The following HTR1F variants were observed in gnomAD, a reference collection of about 807,000 sequenced individuals.
HTR1F encodes the protein 5-hydroxytryptamine receptor 1F.
Under a neutral mutation model 24.0 loss-of-function variants are expected in HTR1F, and 17 were observed. The ratio of observed to expected loss-of-function variants is 0.71; its 90% CI spans 0.48 to 1.06. HTR1F has a LOEUF of 1.06. HTR1F is among the 50% of genes least tolerant of loss of function. The pLI is 0.00. For synonymous variants in HTR1F, 186 were observed against 156.8 expected (o/e 1.19, Z -1.39); for missense variants, 391 against 427.8 (o/e 0.91, Z 0.76).
At chr3:87,809,515 C>A (rs1298429855) in intron 1 of HTR1F, among the ~76,000 whole-genome samples, 7 of 151,902 alleles carry the variant, frequency 4.6e-5, no homozygotes, top group Non-Finnish European at 1.0e-4. Flanking sequence ...CTAAGCTTTT[C>A]TTTTTTGATT....
intron 2 of HTR1F, among the ~76,000 whole-genome samples, chr3:87,956,620 T>C (rs1576086930): frequency 6.6e-6 from 1 of 151,356 alleles, no homozygotes; most frequent in South Asian, 2.1e-4. Flanking sequence ...TCTTTAAATA[T>C]ATGCCTTCCA....
chr3:87,978,477 T>TCAGTA (rs1705448487), intron 2 of HTR1F, among the ~76,000 whole-genome samples: 2 of 152,186 alleles, frequency 1.3e-5, no homozygotes, highest in East Asian at 3.9e-4. Flanking sequence ...AGTACAGCTC[T>TCAGTA]CAGTACAGTA....
chr3:87,985,083 A>G (rs1239993228), intron 2 of HTR1F, among the ~76,000 whole-genome samples: 1 of 152,202 alleles, frequency 6.6e-6, no homozygotes, highest in Non-Finnish European at 1.5e-5. Context: ...CTCCTGTAAT[A>G]CCAGCACTTT....
intron 2 of HTR1F, among the ~76,000 whole-genome samples, chr3:87,867,814 G>T (rs1223979492): frequency 6.6e-6 from 1 of 152,048 alleles, no homozygotes; most frequent in Non-Finnish European, 1.5e-5. Context: ...AAAATAGTAG[G>T]GGTCTTGATC....
chr3:87,896,820 G>A (rs1300870200), intron 2 of HTR1F, among the ~76,000 whole-genome samples: 2 of 152,150 alleles, frequency 1.3e-5, no homozygotes, highest in Non-Finnish European at 2.9e-5. Flanking sequence ...GTGAAAAGAT[G>A]CTGTACATCG....
At chr3:87,935,197 C>G (rs911650738) in intron 2 of HTR1F, among the ~76,000 whole-genome samples, 2 of 152,114 alleles carry the variant, frequency 1.3e-5, no homozygotes, top group Non-Finnish European at 2.9e-5. Context: ...AAGCTGGACT[C>G]TAAAGGCAGA....
chr3:87,940,400 G>C (rs562454083), intron 2 of HTR1F, among the ~76,000 whole-genome samples: 14 of 152,174 alleles, frequency 9.2e-5, no homozygotes, highest in African/African-American at 2.4e-4. Flanking sequence ...CCCATTCACA[G>C]TTGCTAAAAA....
At position 87,943,960 on chromosome 3, in the gene HTR1F, C is replaced by A. The variant is rs912860680; in HGVS notation, c.-42-46748C>A. On this transcript the variant is annotated intron_variant, in intron 2 of 2. Coordinates refer to ENST00000319595, the MANE Select transcript of HTR1F (RefSeq NM_001322209.2). ...AAAAAAGAACATAGGGATGCCAGCA[C>A]CCCTAGTCATTTTCCGATGAGCATT... Among the ~76,000 whole-genome samples the A allele has an allele frequency of 9.9e-5, 15 of 152,202 alleles. 1 individual carries two copies. The highest frequency in any genetic ancestry group is 3.6e-4 in the African/African-American group (15 of 41,454).
At chr3:87,942,734 G>C (rs1459246583) in intron 2 of HTR1F, among the ~76,000 whole-genome samples, 2 of 144,400 alleles carry the variant, frequency 1.4e-5, no homozygotes, top group Non-Finnish European at 3.0e-5. Flanking sequence ...GACTAAAGCG[G>C]TGGCCTTTTT....
At chr3:87,899,778 T>C (rs1222701453) in intron 2 of HTR1F, among the ~76,000 whole-genome samples, 1 of 152,084 alleles carries the variant, frequency 6.6e-6, no homozygotes, top group Non-Finnish European at 1.5e-5. Context: ...GGCAGGAGAA[T>C]CGCTTGAACC....
chr3:87,946,717 C>T (rs1193309416), intron 2 of HTR1F, among the ~76,000 whole-genome samples: 1 of 151,698 alleles, frequency 6.6e-6, no homozygotes, highest in Non-Finnish European at 1.5e-5. Context: ...CCTCTGCCTC[C>T]CAGGTCCAAG....
intron 2 of HTR1F, among the ~76,000 whole-genome samples, chr3:87,919,275 A>G (rs896478069): frequency 2.6e-5 from 4 of 152,164 alleles, no homozygotes; most frequent in African/African-American, 9.7e-5. Context: ...AAATCCTAGA[A>G]GATAACACTG....
At chr3:87,962,793 G>A (rs1705089165) in intron 2 of HTR1F, among the ~76,000 whole-genome samples, 2 of 151,880 alleles carry the variant, frequency 1.3e-5, no homozygotes, top group South Asian at 4.1e-4. Flanking sequence ...CTTTGTCCTT[G>A]CTTGGAAAGA....
intron 1 of HTR1F, among the ~76,000 whole-genome samples, chr3:87,794,947 A>G (rs1048751815): frequency 6.9e-6 from 1 of 144,882 alleles, no homozygotes. Context: ...AGTTGGGCGC[A>G]TATTTTTCCC....
chr3:87,983,716 TA>T (rs2107516821), intron 2 of HTR1F, among the ~76,000 whole-genome samples: 1 of 152,316 alleles, frequency 6.6e-6, no homozygotes, highest in East Asian at 1.9e-4. Context: ...CAATCCTGAA[TA>T]AATTGAATTA....
chr3:87,929,297 C>A (rs1181392104), intron 2 of HTR1F, among the ~76,000 whole-genome samples: 1 of 152,136 alleles, frequency 6.6e-6, no homozygotes, highest in African/African-American at 2.4e-5. Flanking sequence ...TTCATCAGGG[C>A]AGAGCCTCTT....
chr3:87,952,300 T>C (rs761057643), intron 2 of HTR1F, among the ~76,000 whole-genome samples: 6 of 152,010 alleles, frequency 3.9e-5, no homozygotes, highest in Admixed American at 1.3e-4. Context: ...TATTTATCAG[T>C]TTTTATACCT....
chr3:87,960,622 G>T (rs1705040072), intron 2 of HTR1F, among the ~76,000 whole-genome samples: 1 of 151,922 alleles, frequency 6.6e-6, no homozygotes, highest in African/African-American at 2.4e-5. Context: ...TGTTGTGAGG[G>T]TATTATGAAG....
In HTR1F at chr3:87,990,857, GACA is replaced by G. The variant is rs777412285; in HGVS notation, c.114_116del (p.Thr39del). On this transcript the variant is annotated inframe_deletion, in exon 3 of 3. Coordinates refer to ENST00000319595, the MANE Select transcript of HTR1F (RefSeq NM_001322209.2). ...TCACTCTGTCTGGGCTGGCACTGAT[GACA>G]ACAACTATCAACTCCCTTGTGATCG... is the stretch of plus-strand genomic sequence containing the variant. 5 of 1,614,068 alleles carry G rather than the reference GACA, an allele frequency of 3.1e-6. No homozygotes were observed. The highest frequency in any genetic ancestry group is 2.7e-5 in the African/African-American group (2 of 74,918).
Sources: allele counts gnomAD v4.1 joint callset (sites outside exome capture counted in the v4.1 genomes callset), GRCh38; gene constraint gnomAD v4.1.1; transcripts MANE v1.5; gene names NCBI Gene and HGNC (gene_info 2026-07-23, HGNC 2026-07-21).